ANKMY1: variants seen among roughly 807,000 people sequenced by gnomAD.
The protein encoded by ANKMY1 is ankyrin repeat and MYND domain-containing protein 1.
Under a neutral mutation model 102.0 loss-of-function variants are expected in ANKMY1, and 98 were observed. The ratio of observed to expected loss-of-function variants is 0.96; its 90% CI spans 0.82 to 1.14. The LOEUF is 1.14. Among genes scored for constraint, ANKMY1 ranks in the 50% most tolerant of loss-of-function variants. ANKMY1 has a pLI of 0.00. For missense variants in ANKMY1, 1,330 were observed against 1,347.6 expected (o/e 0.99, Z 0.20); for synonymous variants, 582 against 559.9 (o/e 1.04, Z -0.56).
Position 240,512,017 on chromosome 2 carries a change from G to A in ANKMY1, c.2146-16C>T, listed in dbSNP as rs117077507. The A allele has an allele frequency of 9.9e-5, 150 of 1,522,740 alleles. 2 individuals carry two copies. In the East Asian group the frequency reaches 3.9e-3, roughly 39 times the overall value. The allele number at this position is 1,522,740 out of a possible 1,614,324, so 94.3% of individuals were successfully genotyped here. A position where few individuals can be genotyped will look rare whatever the true frequency, so the allele number is the denominator to read the frequency against. Reference sequence around the variant, plus strand: ...GCAGGTCCAGCTGTGTAAAACGGAGGGCTCCGCCAGCGCCCACGGACCTGC... The same window carrying A: ...GCAGGTCCAGCTGTGTAAAACGGAGAGCTCCGCCAGCGCCCACGGACCTGC... On this transcript the variant is annotated splice_polypyrimidine_tract_variant and intron_variant, in intron 10 of 17. Coordinates refer to ENST00000401804, the MANE Select transcript of ANKMY1 (RefSeq NM_001282771.3).
At chr2:240,543,018 T>G (rs1559367371) in intron 4 of ANKMY1, among the ~76,000 whole-genome samples, 1 of 151,830 alleles carries the variant, frequency 6.6e-6, no homozygotes, top group Non-Finnish European at 1.5e-5. Context: ...TTCACGAGAT[T>G]TAAGTAAATC....
chr2:240,515,687 C>G (rs1343370680), intron 9 of ANKMY1, among the ~76,000 whole-genome samples: 4 of 152,100 alleles, frequency 2.6e-5, no homozygotes, highest in Non-Finnish European at 5.9e-5. Flanking sequence ...TTGTTTTTCT[C>G]TTTTCAACAA....
At position 240,526,453 on chromosome 2, in the gene ANKMY1, C is replaced by T. The variant is rs1553588059; in HGVS notation, c.954-8G>A. The stretch of plus-strand genomic sequence containing the variant: ...GTGTGAGCTGGCTTGTTCCTGGCAA[C>T]ACAACAAGTTTCAGTGGTCCTAGAC... On this transcript the variant is annotated splice_region_variant and splice_polypyrimidine_tract_variant and intron_variant, in intron 5 of 17. Coordinates refer to ENST00000401804, the MANE Select transcript of ANKMY1 (RefSeq NM_001282771.3). The T allele has an allele frequency of 1.4e-5, 22 of 1,614,038 alleles. No individual in the cohort carries two copies. Among genetic ancestry groups the T allele is most frequent in the Non-Finnish European group, 1.9e-5 (22 of 1,180,034 alleles).
At chr2:240,482,283 A>C (rs1277796840) in intron 15 of ANKMY1, 22 bp from the exon 16 acceptor site, 6 of 1,600,900 alleles carry the variant, frequency 3.7e-6, no homozygotes, top group Non-Finnish European at 5.1e-6. Context: ...AGGGTCCCGC[A>C]TTAGTACCCA....
chr2:240,534,187 C>T (rs2086155008), intron 4 of ANKMY1, among the ~76,000 whole-genome samples: 1 of 152,224 alleles, frequency 6.6e-6, no homozygotes, highest in Non-Finnish European at 1.5e-5. Context: ...GGAGCTTATC[C>T]ACAGTTTGGG....
chr2:240,477,122 G>C (rs1040001307), downstream of ANKMY1, among the ~76,000 whole-genome samples: 1 of 152,160 alleles, frequency 6.6e-6, no homozygotes, highest in African/African-American at 2.4e-5. Context: ...TTTGAGACCA[G>C]CCTGCCCAAC....
chr2:240,531,784 A>G (rs2085454651), intron 4 of ANKMY1, among the ~76,000 whole-genome samples: 1 of 152,192 alleles, frequency 6.6e-6, no homozygotes, highest in Admixed American at 6.5e-5. Context: ...GATGATAGAA[A>G]TATTCTAAAT....
chr2:240,482,700 G>C (rs951960497), intron 15 of ANKMY1, among the ~76,000 whole-genome samples: 1 of 152,224 alleles, frequency 6.6e-6, no homozygotes, highest in Non-Finnish European at 1.5e-5. Context: ...ACATGATTAA[G>C]GGATTATGAT....
In ANKMY1 at chr2:240,557,979, C is replaced by G; in HGVS notation, c.-116G>C. 2.0e-6 allele frequency: 2 copies of G among 985,638 alleles called. No homozygotes were observed. Among genetic ancestry groups the G allele is most frequent in the Non-Finnish European group, 2.4e-6 (2 of 830,062 alleles). The allele number at this position is 985,638 out of a possible 1,614,324, so 61.1% of individuals were successfully genotyped here. On this transcript the variant is annotated 5_prime_UTR_variant, in exon 1 of 18. Coordinates refer to ENST00000401804, the MANE Select transcript of ANKMY1 (RefSeq NM_001282771.3). ...CTCCCGTCCCGACTGCTTGCCAGCC[C>G]TGCGCCTACGGAGAGCGTCGCGTTT...
intron 5 of ANKMY1, chr2:240,527,044 G>C (rs1311069333): frequency 1.0e-6 from 1 of 986,824 alleles, no homozygotes; most frequent in Non-Finnish European, 1.2e-6. Context: ...TGGTTGGGTA[G>C]GTGGATGTAT....
upstream of ANKMY1, chr2:240,558,073 A>C: frequency 5.0e-6 from 4 of 800,438 alleles, no homozygotes; most frequent in Non-Finnish European, 6.0e-6. Context: ...GCCAGGACGC[A>C]CCCGGCCCCG....
At chr2:240,532,537 A>C (rs1213463842) in intron 4 of ANKMY1, among the ~76,000 whole-genome samples, 2 of 152,272 alleles carry the variant, frequency 1.3e-5, no homozygotes, top group Non-Finnish European at 2.9e-5. Context: ...GTAAGGGCAG[A>C]GAAGGTGACA....
chr2:240,528,298 C>G (rs530900279), intron 5 of ANKMY1, among the ~76,000 whole-genome samples: 3 of 135,930 alleles, frequency 2.2e-5, no homozygotes, highest in Non-Finnish European at 4.9e-5. Context: ...CCCCCACCCC[C>G]CCCCCAAAAA....
intron 4 of ANKMY1, among the ~76,000 whole-genome samples, chr2:240,540,743 G>A (rs559016532): frequency 6.6e-6 from 1 of 152,228 alleles, no homozygotes; most frequent in East Asian, 1.9e-4. Context: ...TCTGAAGGGT[G>A]AGCAGCAGGA....
chr2:240,535,352 T>C (rs1301993320), intron 4 of ANKMY1, among the ~76,000 whole-genome samples: 3 of 152,212 alleles, frequency 2.0e-5, no homozygotes, highest in Non-Finnish European at 2.9e-5. Flanking sequence ...CCAGTTTACT[T>C]GGGATCAATG....
intron 4 of ANKMY1, among the ~76,000 whole-genome samples, chr2:240,551,849 T>C (rs1428527183): frequency 6.6e-6 from 1 of 152,198 alleles, no homozygotes; most frequent in Non-Finnish European, 1.5e-5. Context: ...ACATAGAAAT[T>C]GACCCTTCTG....
intron 2 of ANKMY1, among the ~76,000 whole-genome samples, chr2:240,556,059 C>T (rs1313841827): frequency 6.6e-6 from 1 of 152,196 alleles, no homozygotes; most frequent in Non-Finnish European, 1.5e-5. Context: ...ATTGGCTCCC[C>T]ACATGGTAGT....
rs2078483168 is a variant in ANKMY1, at chr2:240,503,077, G to C, written c.2527-2512C>G. On this transcript the variant is annotated intron_variant, in intron 13 of 17. Transcript: ENST00000401804. ...GAAACCAGCCCTGCCCAGGGGCTCT[G>C]CCTCTGAGACCACAAACCCTGCTGA... Among the ~76,000 whole-genome samples, 4 of 152,190 alleles carry C rather than the reference G, an allele frequency of 2.6e-5. No homozygotes were observed. In the South Asian group the frequency reaches 8.3e-4, roughly 32 times the overall value.
At chr2:240,503,832 A>G (rs977352173) in intron 13 of ANKMY1, among the ~76,000 whole-genome samples, 2 of 152,242 alleles carry the variant, frequency 1.3e-5, no homozygotes, top group Non-Finnish European at 2.9e-5. Flanking sequence ...TCAAAGTAAC[A>G]TGAGGTCCTT....
Sources: allele counts gnomAD v4.1 joint callset (sites outside exome capture counted in the v4.1 genomes callset), GRCh38; gene constraint gnomAD v4.1.1; transcripts MANE v1.5; gene names NCBI Gene and HGNC (gene_info 2026-07-23, HGNC 2026-07-21).